KLHL1: variants seen among roughly 807,000 people sequenced by gnomAD.
KLHL1 encodes kelch-like protein 1.
KLHL1 carries 47 observed loss-of-function variants against 77.7 expected under a neutral mutation model. That is an observed-to-expected ratio of 0.60 (90% CI 0.48 to 0.77). The LOEUF (loss-of-function observed/expected upper bound fraction) is 0.77. Ranked by LOEUF, KLHL1 falls within the 30% of genes least tolerant of loss-of-function variation. The probability of loss-of-function intolerance (pLI) is 0.00; values close to 1 mark genes in which losing one functional copy is unlikely to be tolerated. For synonymous variants in KLHL1, 360 were observed against 325.2 expected, an observed-to-expected ratio of 1.11 and a Z score of -1.15; for missense variants, 925 against 910.8, an observed-to-expected ratio of 1.02 and a Z score of -0.20.
chr13:69,984,290 C>G (rs1441799628), intron 1 of KLHL1, among the ~76,000 whole-genome samples: 2 of 152,072 alleles, frequency 1.3e-5, no homozygotes, highest in Non-Finnish European at 2.9e-5. Context: ...CCTTTAAAAT[C>G]GAGCTGCAGA....
At position 70,107,380 on chromosome 13, in the gene KLHL1, GC is replaced by G; in HGVS notation, c.319del (p.Ala107LeufsTer19). ...TGGCTGCTGAGTGCCCTGCCCAGGA[GC>G]CCCTTGCTGCAGCCTCGTGGCAACT... ...LPVATRLQQG[A>X]PGQGTQQPAR... On this transcript the variant is annotated frameshift_variant, in exon 1 of 11. Coordinates refer to ENST00000377844, the MANE Select transcript of KLHL1 (RefSeq NM_020866.3). LOFTEE classifies it high-confidence loss of function. The G allele has an allele frequency of 6.2e-7, 1 of 1,614,204 alleles. No homozygotes were observed. The highest frequency in any genetic ancestry group is 8.5e-7 in the Non-Finnish European group (1 of 1,180,032).
At position 69,832,438 on chromosome 13, in the gene KLHL1, G is replaced by T. The variant is rs190342001; in HGVS notation, c.1414+6538C>A. Among the ~76,000 whole-genome samples, 94 of 150,028 alleles carry T rather than the reference G, an allele frequency of 6.3e-4. 5 individuals carry two copies. Among genetic ancestry groups the T allele is most frequent in the Non-Finnish European group, 7.5e-4 (51 of 67,676 alleles). On this transcript the variant is annotated intron_variant, in intron 6 of 10. Coordinates refer to ENST00000377844, the MANE Select transcript of KLHL1 (RefSeq NM_020866.3). The stretch of plus-strand genomic sequence containing the variant: ...GCATGGAAAACTACAAAACACTGCT[G>T]AAAGAAATCATTGATGACAGAAACA...
intron 7 of KLHL1, among the ~76,000 whole-genome samples, chr13:69,765,229 G>A (rs1875238504): frequency 6.6e-6 from 1 of 151,768 alleles, no homozygotes; most frequent in Non-Finnish European, 1.5e-5. Context: ...TGAGACTACA[G>A]GCATGAGCCA....
intron 9 of KLHL1, among the ~76,000 whole-genome samples, chr13:69,712,770 TTTGGG>T (rs1359077785): frequency 6.6e-5 from 9 of 136,890 alleles, no homozygotes; most frequent in Middle Eastern, 3.6e-3. Flanking sequence ...GTTTTTTTTT[TTTGGG>T]GGGGGGGTTT....
intron 5 of KLHL1, among the ~76,000 whole-genome samples, chr13:69,856,673 T>C (rs1335770011): frequency 6.6e-6 from 1 of 152,112 alleles, no homozygotes; most frequent in African/African-American, 2.4e-5. Context: ...CACTATACTG[T>C]AATCTTACAT....
At chr13:69,808,885 A>G (rs772647203) in intron 6 of KLHL1, among the ~76,000 whole-genome samples, 4 of 152,184 alleles carry the variant, frequency 2.6e-5, no homozygotes, top group Non-Finnish European at 5.9e-5. Flanking sequence ...ATTTTCTGCA[A>G]TTAAAAAGTT....
intron 1 of KLHL1, among the ~76,000 whole-genome samples, chr13:70,095,829 A>G (rs1256162675): frequency 6.7e-6 from 1 of 148,448 alleles, no homozygotes; most frequent in Admixed American, 6.8e-5. Context: ...TTCTCCCTCC[A>G]CCCCCCCCAC....
At chr13:69,772,143 G>T (rs201191590) in intron 7 of KLHL1, among the ~76,000 whole-genome samples, 1 of 151,658 alleles carries the variant, frequency 6.6e-6, no homozygotes, top group East Asian at 1.9e-4. Context: ...ATAGAGTTGG[G>T]GTTTCACCAT....
intron 7 of KLHL1, among the ~76,000 whole-genome samples, chr13:69,784,967 G>A (rs1367288993): frequency 7.5e-6 from 1 of 133,746 alleles, no homozygotes; most frequent in African/African-American, 2.8e-5. Context: ...TCAGCTCACT[G>A]CAAGCTCCGC....
chr13:70,019,279 C>T (rs1358899238), intron 1 of KLHL1, among the ~76,000 whole-genome samples: 1 of 152,028 alleles, frequency 6.6e-6, no homozygotes, highest in Non-Finnish European at 1.5e-5. Flanking sequence ...AAGGAAAACT[C>T]GGGTGAGCCT....
intron 1 of KLHL1, among the ~76,000 whole-genome samples, chr13:70,056,227 G>T (rs1886740032): frequency 6.6e-6 from 1 of 152,006 alleles, no homozygotes; most frequent in Non-Finnish European, 1.5e-5. Context: ...AGACAAAAGT[G>T]ATACAAGGAG....
chr13:69,741,106 T>A (rs980619216), intron 7 of KLHL1, among the ~76,000 whole-genome samples: 4 of 152,292 alleles, frequency 2.6e-5, no homozygotes, highest in African/African-American at 9.6e-5. Flanking sequence ...AATAAACTTA[T>A]GTAAAGCTTA....
chr13:69,821,791 C>T (rs75915220), intron 6 of KLHL1, among the ~76,000 whole-genome samples: 2,259 of 152,286 alleles, frequency 0.015, 54 homozygotes, highest in African/African-American at 0.05. Flanking sequence ...TATACTTCTT[C>T]ATAAATAATC....
chr13:69,753,883 C>G (rs978370170), intron 7 of KLHL1, among the ~76,000 whole-genome samples: 7 of 152,088 alleles, frequency 4.6e-5, no homozygotes, highest in Admixed American at 1.3e-4. Context: ...GTCACCCAGG[C>G]TGGAGTACAG....
chr13:69,795,928 T>C (rs1417399009), intron 7 of KLHL1, among the ~76,000 whole-genome samples: 1 of 152,210 alleles, frequency 6.6e-6, no homozygotes, highest in African/African-American at 2.4e-5. Context: ...TTCAAAGACA[T>C]AGATGTGCTT....
chr13:70,054,632 A>G (rs925548446), intron 1 of KLHL1, among the ~76,000 whole-genome samples: 3 of 152,038 alleles, frequency 2.0e-5, no homozygotes, highest in African/African-American at 7.2e-5. Flanking sequence ...AGAGTTTAAA[A>G]TAGCTATTTT....
intron 5 of KLHL1, among the ~76,000 whole-genome samples, chr13:69,869,470 C>T (rs1042576604): frequency 8.5e-5 from 13 of 152,132 alleles, no homozygotes; most frequent in Admixed American, 1.3e-4. Context: ...TTTATGACCA[C>T]ATTCTAAACA....
At chr13:69,927,384 T>C (rs907814257) in intron 4 of KLHL1, among the ~76,000 whole-genome samples, 7 of 151,980 alleles carry the variant, frequency 4.6e-5, no homozygotes, top group Non-Finnish European at 1.0e-4. Flanking sequence ...GCACAAGCAA[T>C]AAAAGAAAAA....
chr13:69,918,732 A>T (rs1882528428), intron 4 of KLHL1, among the ~76,000 whole-genome samples: 1 of 152,074 alleles, frequency 6.6e-6, no homozygotes. Flanking sequence ...CTCCTGTAAA[A>T]TTTTTCAAAT....
Sources: gnomAD v4.1 joint callset for allele counts (sites outside exome capture counted in the v4.1 genomes callset) on GRCh38, gnomAD v4.1.1 for gene constraint, MANE v1.5 for transcripts, NCBI Gene and HGNC (gene_info 2026-07-23, HGNC 2026-07-21) for gene names.